Variants in TOX3 observed in about 807,000 individuals in gnomAD.
TOX3 encodes the protein CAG trinucleotide repeat-containing gene F9 protein.
TOX3 carries 22 observed loss-of-function variants against 64.3 expected under a neutral mutation model. The ratio of observed to expected loss-of-function variants is 0.34; its 90% CI spans 0.24 to 0.49. TOX3 has a LOEUF of 0.49. Ranked by LOEUF, TOX3 falls within the 20% of genes least tolerant of loss-of-function variation. The pLI is 0.99. For missense variants in TOX3, 661 were observed against 714.4 expected (o/e 0.93, Z 0.85); for synonymous variants, 291 against 273.6 (o/e 1.06, Z -0.63).
At chr16:52,484,531 A>G (rs899429403) in intron 1 of TOX3, among the ~76,000 whole-genome samples, 4 of 152,206 alleles carry the variant, frequency 2.6e-5, no homozygotes, top group African/African-American at 7.2e-5. Flanking sequence ...TTCTGAAAAT[A>G]ACAAACAGCA....
intron 1 of TOX3, among the ~76,000 whole-genome samples, chr16:52,490,647 T>TTTTTTTTTTTTG (rs1555484775): frequency 6.8e-6 from 1 of 146,630 alleles, no homozygotes; most frequent in South Asian, 2.2e-4. Context: ...TTTTTTTTTT[T>TTTTTTTTTTTTG]AATACAGGGT....
intron 1 of TOX3, among the ~76,000 whole-genome samples, chr16:52,524,947 G>A (rs1962693826): frequency 6.6e-6 from 1 of 151,282 alleles, no homozygotes; most frequent in Admixed American, 6.6e-5. Flanking sequence ...AGTCTCTTGA[G>A]CTAGAGTGAT....
chr16:52,529,097 G>T (rs1962789896), intron 1 of TOX3, among the ~76,000 whole-genome samples: 1 of 152,178 alleles, frequency 6.6e-6, no homozygotes, highest in Admixed American at 6.5e-5. Context: ...TGCTGATTAT[G>T]TCAGGAGGTC....
At chr16:52,498,594 G>T (rs535719622) in intron 1 of TOX3, among the ~76,000 whole-genome samples, 2 of 152,108 alleles carry the variant, frequency 1.3e-5, no homozygotes, top group African/African-American at 2.4e-5. Flanking sequence ...GGGTTGGGGG[G>T]GGGAGGCTGT....
At chr16:52,528,288 T>A (rs770642390) in intron 1 of TOX3, among the ~76,000 whole-genome samples, 4 of 152,180 alleles carry the variant, frequency 2.6e-5, no homozygotes, top group African/African-American at 4.8e-5. Flanking sequence ...AATGACCCTA[T>A]GTTGCAAATG....
At chr16:52,452,685 T>TA (rs11372027) in intron 3 of TOX3, among the ~76,000 whole-genome samples, 105,137 of 149,578 alleles carry the variant, frequency 0.7, 37,147 homozygotes, top group East Asian at 0.88. Context: ...ATAATAATAA[T>TA]AAAAAAAAGA....
At chr16:52,543,975 GCTAA>G (rs1157913139) in intron 1 of TOX3, among the ~76,000 whole-genome samples, 1 of 152,086 alleles carries the variant, frequency 6.6e-6, no homozygotes, top group Non-Finnish European at 1.5e-5. Flanking sequence ...AAAGATAAGC[GCTAA>G]CTTTCACTTG....
Position 52,481,489 on chromosome 16 carries a change from A to G in TOX3, c.88-12915T>C, listed in dbSNP as rs72807636. Among the ~76,000 whole-genome samples, 102 of 152,334 alleles carry G rather than the reference A, an allele frequency of 6.7e-4. 1 individual carries two copies. The South Asian group carries it at 7.2e-3, about 11-fold the overall frequency. ...ATCATATTTGATAAACCAAATACCT[A>G]AAGCCTACTTAACTCACAAATCATC... On this transcript the variant is annotated intron_variant, in intron 1 of 6. Transcript: ENST00000219746.
chr16:52,473,014 G>A (rs1285994267), intron 1 of TOX3, among the ~76,000 whole-genome samples: 1 of 152,070 alleles, frequency 6.6e-6, no homozygotes, highest in Non-Finnish European at 1.5e-5. Context: ...TTATAGCTTG[G>A]GCAAATACAA....
chr16:52,522,977 G>A (rs1467934023), intron 1 of TOX3, among the ~76,000 whole-genome samples: 2 of 152,204 alleles, frequency 1.3e-5, no homozygotes, highest in Non-Finnish European at 2.9e-5. Flanking sequence ...AAAAGAGACA[G>A]AAATCTCTGC....
At chr16:52,477,608 C>A (rs1371757011) in intron 1 of TOX3, among the ~76,000 whole-genome samples, 1 of 152,166 alleles carries the variant, frequency 6.6e-6, no homozygotes, top group Non-Finnish European at 1.5e-5. Context: ...TGTGGGATGG[C>A]AGGCAAGCTG....
At chr16:52,515,463 A>G (rs1962429675) in intron 1 of TOX3, among the ~76,000 whole-genome samples, 1 of 152,216 alleles carries the variant, frequency 6.6e-6, no homozygotes. Flanking sequence ...CAACAATTCT[A>G]TCATGCTTTG....
chr16:52,542,081 A>G (rs1247212610), intron 1 of TOX3, among the ~76,000 whole-genome samples: 2 of 152,202 alleles, frequency 1.3e-5, no homozygotes, highest in African/African-American at 4.8e-5. Flanking sequence ...CAGGATGTGG[A>G]TGCATTTTAA....
intron 1 of TOX3, among the ~76,000 whole-genome samples, chr16:52,506,405 CAG>C (rs1686351069): frequency 6.6e-6 from 1 of 152,314 alleles, no homozygotes; most frequent in East Asian, 1.9e-4. Context: ...GAAATCAACA[CAG>C]AGTCAACCAA....
intron 1 of TOX3, among the ~76,000 whole-genome samples, chr16:52,493,270 C>A (rs1050287301): frequency 6.6e-6 from 1 of 152,160 alleles, no homozygotes; most frequent in African/African-American, 2.4e-5. Context: ...CACGCATATA[C>A]CTATATGCAT....
At chr16:52,537,882 A>T (rs1000412330) in intron 1 of TOX3, among the ~76,000 whole-genome samples, 10 of 59,402 alleles carry the variant, frequency 1.7e-4, no homozygotes, top group Non-Finnish European at 1.4e-4. Flanking sequence ...ATATGATAAA[A>T]AAAAAAAAAA....
At chr16:52,455,050 A>G (rs1435754785) in intron 3 of TOX3, among the ~76,000 whole-genome samples, 2 of 152,192 alleles carry the variant, frequency 1.3e-5, no homozygotes, top group African/African-American at 4.8e-5. Flanking sequence ...CAAAGCAGCT[A>G]TTGGGTTCTA....
rs375929325 is a variant in TOX3 at position 52,450,503 on chromosome 16, G to A, written c.452C>T (p.Ser151Phe). The A allele has an allele frequency of 3.6e-5, 58 of 1,613,926 alleles. No individual in the cohort carries two copies. The highest frequency in any genetic ancestry group is 6.7e-5 in the Admixed American group (4 of 60,000). The change falls in exon 4 of 7, where the codon TCC becomes TTC. Residue 151 changes from serine (S) to phenylalanine (F), a missense_variant. Ser to Phe is a radical substitution (Grantham distance 155). Coordinates refer to ENST00000219746, the MANE Select transcript of TOX3 (RefSeq NM_001080430.4). Reference sequence around the variant, plus strand: ...GTGGACGATGGACCGCATGATCAGGGAGGGATCCTGCCGGTACTGGGACAC... The same window carrying A: ...GTGGACGATGGACCGCATGATCAGGAAGGGATCCTGCCGGTACTGGGACAC... The part of the protein sequence containing the change: ...TQVSQYRQDP[S>F]LIMRSIVHMT...
chr16:52,539,249 T>C (rs1963025262), intron 1 of TOX3, among the ~76,000 whole-genome samples: 1 of 152,224 alleles, frequency 6.6e-6, no homozygotes, highest in African/African-American at 2.4e-5. Flanking sequence ...CAAATAGCTA[T>C]TAAGAGAGAA....
Sources: gnomAD v4.1 joint callset for allele counts (sites outside exome capture counted in the v4.1 genomes callset) on GRCh38, gnomAD v4.1.1 for gene constraint, MANE v1.5 for transcripts, NCBI Gene and HGNC (gene_info 2026-07-23, HGNC 2026-07-21) for gene names.